The following COMMD10 variants were observed in gnomAD, a reference collection of about 807,000 sequenced individuals.
The protein encoded by COMMD10 is COMM domain containing 10, also known as COMM domain-containing protein 10.
COMMD10 carries 33 observed loss-of-function variants against 28.9 expected under a neutral mutation model. That is an observed-to-expected ratio of 1.14 (90% CI 0.87 to 1.53). The LOEUF is 1.53. Among genes scored for constraint, COMMD10 ranks in the 40% most tolerant of loss-of-function variants. COMMD10 has a pLI of 0.00. For missense variants in COMMD10, 310 were observed against 233.4 expected, an observed-to-expected ratio of 1.33 and a Z score of -2.14; for synonymous variants, 110 against 81.7, an observed-to-expected ratio of 1.35 and a Z score of -1.87.
chr5:116,197,738 T>A (rs1748565935), intron 5 of COMMD10, among the ~76,000 whole-genome samples: 1 of 152,132 alleles, frequency 6.6e-6, no homozygotes, highest in Admixed American at 6.6e-5. Flanking sequence ...GCCATTTTAT[T>A]CACCTTTCTG....
At chr5:116,092,759 C>T (rs982384823) in intron 4 of COMMD10, 59 bp downstream of exon 4, 17 of 1,224,380 alleles carry the variant, frequency 1.4e-5, no homozygotes, top group South Asian at 1.0e-4. Context: ...AATTATTATA[C>T]CTGAAGAGTT....
At chr5:116,154,355 T>G (rs1580496987) in intron 5 of COMMD10, among the ~76,000 whole-genome samples, 1 of 152,298 alleles carries the variant, frequency 6.6e-6, no homozygotes, top group East Asian at 1.9e-4. Context: ...CTGGGTAGTT[T>G]ATTGTTAGTG....
chr5:116,263,408 T>A (rs948704277), intron 5 of COMMD10, among the ~76,000 whole-genome samples: 1 of 151,804 alleles, frequency 6.6e-6, no homozygotes, highest in Non-Finnish European at 1.5e-5. Context: ...CCCCAAAATA[T>A]ATTTCCTTGC....
At chr5:116,095,620 C>T (rs1481033358) in intron 4 of COMMD10, among the ~76,000 whole-genome samples, 1 of 152,044 alleles carries the variant, frequency 6.6e-6, no homozygotes, top group African/African-American at 2.4e-5. Context: ...AGAACAGAAC[C>T]ATTAACTTTG....
chr5:116,214,701 T>C (rs1005601708), intron 5 of COMMD10, among the ~76,000 whole-genome samples: 3 of 152,276 alleles, frequency 2.0e-5, no homozygotes, highest in African/African-American at 7.2e-5. Context: ...TTTTCATTTA[T>C]CTGCGGTTAA....
At chr5:116,121,501 A>T (rs1328078191) in intron 4 of COMMD10, among the ~76,000 whole-genome samples, 4 of 152,200 alleles carry the variant, frequency 2.6e-5, no homozygotes, top group Admixed American at 2.6e-4. Flanking sequence ...ATACCCAGTA[A>T]TGGGATGGCT....
intron 5 of COMMD10, among the ~76,000 whole-genome samples, chr5:116,196,220 A>G (rs1380432147): frequency 3.9e-5 from 6 of 152,156 alleles, no homozygotes; most frequent in African/African-American, 1.4e-4. Flanking sequence ...AGTGGAGACT[A>G]TTATTCTAAG....
At chr5:116,128,917 C>G (rs528513972) in intron 4 of COMMD10, among the ~76,000 whole-genome samples, 1 of 151,828 alleles carries the variant, frequency 6.6e-6, no homozygotes, top group Non-Finnish European at 1.5e-5. Flanking sequence ...GAATATCACA[C>G]CTACAGGTGC....
chr5:116,132,748 G>C (rs1429941839), intron 4 of COMMD10, among the ~76,000 whole-genome samples: 1 of 152,112 alleles, frequency 6.6e-6, no homozygotes, highest in Admixed American at 6.5e-5. Context: ...CTTGATAATA[G>C]TGGCAGGCTG....
Position 116,150,501 on chromosome 5 carries a change from C to T in COMMD10, c.510+16323C>T, listed in dbSNP as rs546284195. ...TTCCTACCCATGAGCATGGAATGTT[C>T]TTCCATTTGTTTGTATCCTCTTTTA... On this transcript the variant is annotated intron_variant, in intron 5 of 6. Transcript: ENST00000274458. Among the ~76,000 whole-genome samples, 1,177 of 150,500 alleles carry T rather than the reference C, an allele frequency of 7.8e-3. 15 individuals are homozygous for T. The highest frequency in any genetic ancestry group is 0.027 in the African/African-American group (1,088 of 40,564).
intron 4 of COMMD10, among the ~76,000 whole-genome samples, chr5:116,115,282 G>C (rs1277093834): frequency 6.6e-6 from 1 of 152,196 alleles, no homozygotes; most frequent in Non-Finnish European, 1.5e-5. Context: ...CAGTAGGAAA[G>C]TGAACCACAG....
At chr5:116,291,704 A>G in intron 6 of COMMD10, 128 bp downstream of exon 6, 2 of 550,356 alleles carry the variant, frequency 3.6e-6, no homozygotes, top group South Asian at 5.1e-5. Flanking sequence ...CTTATAAAAG[A>G]CCTTATGTTT....
At chr5:116,207,506 G>C (rs1362929232) in intron 5 of COMMD10, among the ~76,000 whole-genome samples, 1 of 146,424 alleles carries the variant, frequency 6.8e-6, no homozygotes, top group Non-Finnish European at 1.5e-5. Context: ...CAGTATCAGA[G>C]AGGGGAAAAA....
At chr5:116,101,437 A>C (rs1413778738) in intron 4 of COMMD10, among the ~76,000 whole-genome samples, 1 of 150,902 alleles carries the variant, frequency 6.6e-6, no homozygotes, top group Non-Finnish European at 1.5e-5. Flanking sequence ...TTATTTATTT[A>C]TTATTTTGAG....
At chr5:116,097,207 C>G (rs1215753322) in intron 4 of COMMD10, among the ~76,000 whole-genome samples, 1 of 151,778 alleles carries the variant, frequency 6.6e-6, no homozygotes, top group African/African-American at 2.4e-5. Flanking sequence ...GTACATTGTC[C>G]CATTGAGAAT....
chr5:116,223,980 G>A (rs533121175), intron 5 of COMMD10, among the ~76,000 whole-genome samples: 41 of 152,232 alleles, frequency 2.7e-4, no homozygotes, highest in African/African-American at 9.9e-4. Context: ...TGTGTTTGGA[G>A]CAGCATTATA....
At chr5:116,095,432 A>T (rs1325308029) in intron 4 of COMMD10, among the ~76,000 whole-genome samples, 1 of 152,212 alleles carries the variant, frequency 6.6e-6, no homozygotes, top group Non-Finnish European at 1.5e-5. Flanking sequence ...TAAGTGTATT[A>T]AATACATTTG....
intron 5 of COMMD10, among the ~76,000 whole-genome samples, chr5:116,249,714 A>G (rs777893510): frequency 6.6e-6 from 1 of 151,084 alleles, no homozygotes. Context: ...CTCTTACTAT[A>G]GCCAATTAAA....
At chr5:116,197,994 G>A (rs1417538501) in intron 5 of COMMD10, among the ~76,000 whole-genome samples, 1 of 152,112 alleles carries the variant, frequency 6.6e-6, no homozygotes, top group African/African-American at 2.4e-5. Context: ...TACCCTCCCT[G>A]CTGTCTCCTC....
Sources: gnomAD v4.1 joint callset for allele counts (sites outside exome capture counted in the v4.1 genomes callset) on GRCh38, gnomAD v4.1.1 for gene constraint, MANE v1.5 for transcripts, NCBI Gene and HGNC (gene_info 2026-07-23, HGNC 2026-07-21) for gene names.